ITGAE: variants seen among roughly 807,000 people sequenced by gnomAD.
ITGAE encodes the protein integrin alpha-E.
ITGAE carries 99 observed loss-of-function variants against 136.5 expected under a neutral mutation model. That is an observed-to-expected ratio of 0.73 (90% CI 0.62 to 0.86). The LOEUF is 0.86. ITGAE is among the 40% of genes least tolerant of loss of function. ITGAE has a pLI of 0.00. For synonymous variants in ITGAE, 613 were observed against 591.8 expected (o/e 1.04, Z -0.52); for missense variants, 1,447 against 1,515.3 (o/e 0.95, Z 0.75).
At chr17:3,795,260 G>A (rs1318412491) in intron 1 of ITGAE, among the ~76,000 whole-genome samples, 2 of 152,192 alleles carry the variant, frequency 1.3e-5, no homozygotes, top group Admixed American at 1.3e-4. Context: ...GAACTGTGAT[G>A]TGATCTGAGT....
intron 26 of ITGAE, chr17:3,724,428 A>G: frequency 6.2e-7 from 1 of 1,613,232 alleles, no homozygotes. Context: ...GCTGGGCATC[A>G]GTGCCTCCCT....
chr17:3,786,053 G>C (rs915189375), intron 1 of ITGAE, among the ~76,000 whole-genome samples: 5 of 151,538 alleles, frequency 3.3e-5, no homozygotes, highest in Non-Finnish European at 7.4e-5. Flanking sequence ...TGTAGTCCCA[G>C]CTACTCGGGA....
At chr17:3,755,344 C>T in intron 11 of ITGAE, 83 bp from the exon 12 acceptor site, 1 of 1,421,192 alleles carries the variant, frequency 7.0e-7, no homozygotes, top group Non-Finnish European at 9.2e-7. Context: ...CGGGCCAGCG[C>T]GGCTAACCTG....
At position 3,755,207 on chromosome 17, in the gene ITGAE, G is replaced by A; in HGVS notation, c.1294C>T (p.Leu432Phe). Reference sequence around the variant, plus strand: ...CCCCGGCGGCTGCGTGTGTCGTAGAGCAACGCCCCTCCGGACCAGTCAAAG... The same window carrying A: ...CCCCGGCGGCTGCGTGTGTCGTAGAACAACGCCCCTCCGGACCAGTCAAAG... ...GAFDWSGGAL[L>F]YDTRSRRGRF... The change falls in exon 12 of 31, where the codon CTC (leucine) becomes TTC (phenylalanine). Residue 432 changes from leucine (L) to phenylalanine (F), a missense_variant. Physicochemically the swap from Leu to Phe is conservative, Grantham distance 22. Coordinates refer to ENST00000263087, the MANE Select transcript of ITGAE (RefSeq NM_002208.5). 1 of 1,581,342 alleles carries A rather than the reference G, an allele frequency of 6.3e-7. No homozygotes were observed.
intron 1 of ITGAE, among the ~76,000 whole-genome samples, chr17:3,796,170 C>CGTGTGCGTGTGTGT (rs2053095972): frequency 7.9e-6 from 1 of 126,932 alleles, no homozygotes; most frequent in African/African-American, 3.0e-5. Context: ...TGTGTGCATC[C>CGTGTGCGTGTGTGT]GTGTGTGTGT....
At chr17:3,755,746 T>C in intron 11 of ITGAE, 84 bp downstream of exon 11, 1 of 1,150,672 alleles carries the variant, frequency 8.7e-7, no homozygotes, top group South Asian at 1.3e-5. Context: ...GAGCCCTGGA[T>C]GGGAGGCAGG....
Position 3,757,085 on chromosome 17 carries a change from A to G in ITGAE, c.1070T>C (p.Ile357Thr), listed in dbSNP as rs189719134. ...SARTARELNL[I>T]ASDPDETHAF... ...ATGGGTCTCATCCGGGTCTGAGGCGATCAGGTTCAGTTCCCTCGCAGTCCT... is the reference window on the plus strand; with the variant it reads ...ATGGGTCTCATCCGGGTCTGAGGCGGTCAGGTTCAGTTCCCTCGCAGTCCT... The change falls in exon 10 of 31, where the codon ATC becomes ACC. Residue 357 changes from isoleucine to threonine, a missense_variant. Ile to Thr is a moderately conservative substitution (Grantham distance 89). Coordinates refer to ENST00000263087, the MANE Select transcript of ITGAE (RefSeq NM_002208.5). 2.0e-5 allele frequency: 33 copies of G among 1,614,192 alleles called. No individual in the cohort carries two copies. In the Admixed American group the frequency reaches 4.8e-4, roughly 24 times the overall value.
intron 18 of ITGAE, among the ~76,000 whole-genome samples, chr17:3,744,446 CTTTTT>C (rs34809324): frequency 1.6e-5 from 2 of 128,260 alleles, no homozygotes; most frequent in African/African-American, 2.9e-5. Flanking sequence ...AGTTCTTTCT[CTTTTT>C]TTTTTTTTTT....
At chr17:3,726,424 C>G in intron 26 of ITGAE, 1 of 809,944 alleles carries the variant, frequency 1.2e-6, no homozygotes, top group Non-Finnish European at 2.0e-6. Flanking sequence ...GAGGGTGGAA[C>G]TCCCATTCTC....
rs1410280836 is a variant in ITGAE at position 3,763,960 on chromosome 17, C to T, written c.156G>A (p.Trp52Ter). ...TGGTTCTGGGGCTGGTGACCAGGAG[C>T]CTGAGTGGGAGGGGAGGTTGCAAAG... ...LHQDPSTNQT[W>*]LLVTSPRTKR... is the part of the protein sequence containing the mutation. Residue 52 changes from tryptophan (W) to a stop codon, truncating the protein, a stop_gained and splice_region_variant, in exon 3 of 31, where the codon TGG (tryptophan) becomes TGA (stop). Coordinates refer to ENST00000263087, the MANE Select transcript of ITGAE (RefSeq NM_002208.5). LOFTEE classifies it high-confidence loss of function. 1.2e-6 allele frequency: 2 copies of T among 1,609,810 alleles called. No individual in the cohort carries two copies. Among genetic ancestry groups the T allele is most frequent in the Non-Finnish European group, 1.7e-6 (2 of 1,177,070 alleles).
At chr17:3,745,482 C>CT (rs900025622) in intron 18 of ITGAE, among the ~76,000 whole-genome samples, 2 of 152,132 alleles carry the variant, frequency 1.3e-5, no homozygotes, top group African/African-American at 4.8e-5. Flanking sequence ...GCTGGGATTA[C>CT]AGGCACCCGC....
At chr17:3,776,201 G>A (rs1002628830) in intron 2 of ITGAE, among the ~76,000 whole-genome samples, 2 of 151,952 alleles carry the variant, frequency 1.3e-5, no homozygotes, top group African/African-American at 4.8e-5. Context: ...GGGACTACGC[G>A]CGTGTACCAC....
intron 1 of ITGAE, among the ~76,000 whole-genome samples, chr17:3,783,274 G>C (rs1015629895): frequency 3.9e-5 from 6 of 152,188 alleles, no homozygotes; most frequent in African/African-American, 1.4e-4. Flanking sequence ...CGGAGTAGCT[G>C]GGATTACAGG....
chr17:3,765,314 A>G (rs2143158341), intron 2 of ITGAE, among the ~76,000 whole-genome samples: 1 of 127,720 alleles, frequency 7.8e-6, no homozygotes, highest in South Asian at 2.5e-4. Flanking sequence ...ACGCCACTGA[A>G]CTCCAGCCTG....
intron 1 of ITGAE, among the ~76,000 whole-genome samples, chr17:3,786,414 A>C (rs1292065604): frequency 6.6e-6 from 1 of 152,134 alleles, no homozygotes; most frequent in South Asian, 2.1e-4. Flanking sequence ...AGTTTATATA[A>C]ACTGTTTTAG....
At chr17:3,726,892 ATTGT>A (rs936383742) in intron 26 of ITGAE, among the ~76,000 whole-genome samples, 5 of 151,576 alleles carry the variant, frequency 3.3e-5, no homozygotes, top group Admixed American at 6.6e-5. Flanking sequence ...TGCCCGGCTA[ATTGT>A]TTGTATTTTT....
chr17:3,755,114 C>CATCAGGTGGCCCCGCCCTA lies in ITGAE; in HGVS notation c.1384+2_1384+3insTAGGGCGGGGCCACCTGAT. On this transcript the variant is annotated splice_region_variant and intron_variant, in intron 12 of 30. Transcript: ENST00000263087. ...CGCCCTCATCAGGTGGCCCCGCCCT[C>CATCAGGTGGCCCCGCCCTA]ACCCAGGTAGCTGTACTGCGCAGCC... is the stretch of plus-strand genomic sequence containing the variant. 1.3e-6 allele frequency: 2 copies of CATCAGGTGGCCCCGCCCTA among 1,586,862 alleles called. No individual in the cohort carries two copies.
Position 3,772,928 on chromosome 17 carries a change from C to T in ITGAE, c.155+4612G>A, listed in dbSNP as rs554841707. On this transcript the variant is annotated intron_variant, in intron 2 of 30. Transcript: ENST00000263087. ...CCTCCACACGGGGCAAGCAGTCCTT[C>T]GGCAACCAGCTCCAGCTGAAGGTCC... 3.9e-5 allele frequency among the ~76,000 whole-genome samples: 6 copies of T among 152,252 alleles called. No individual in the cohort carries two copies. In the South Asian group the frequency reaches 1.0e-3, roughly 26 times the overall value.
At chr17:3,777,407 C>T in intron 2 of ITGAE, 133 bp downstream of exon 2, 1 of 1,201,558 alleles carries the variant, frequency 8.3e-7, no homozygotes, top group Non-Finnish European at 1.2e-6. Context: ...TCCTGCATGC[C>T]CTTCTGAAAG....
Sources: gnomAD v4.1 joint callset for allele counts (sites outside exome capture counted in the v4.1 genomes callset) on GRCh38, gnomAD v4.1.1 for gene constraint, MANE v1.5 for transcripts, NCBI Gene and HGNC (gene_info 2026-07-23, HGNC 2026-07-21) for gene names.